CDHR2: variants seen among roughly 807,000 people sequenced by gnomAD.
CDHR2 encodes the protein cadherin-related family member 2.
In CDHR2, 104 loss-of-function variants were observed where a neutral mutation model predicts 138.6. The ratio of observed to expected loss-of-function variants is 0.75; its 90% CI spans 0.64 to 0.88. The LOEUF (loss-of-function observed/expected upper bound fraction) is 0.88, where lower values mean the gene tolerates loss of function less well. Ranked by LOEUF, CDHR2 falls within the 40% of genes least tolerant of loss-of-function variation. CDHR2 has a pLI of 0.00. For missense variants in CDHR2, 1,624 were observed against 1,727.6 expected, an observed-to-expected ratio of 0.94 and a Z score of 1.06; for synonymous variants, 755 against 742.8, an observed-to-expected ratio of 1.02 and a Z score of -0.27.
chr5:176,567,584 C>T (rs534027086), intron 3 of CDHR2, among the ~76,000 whole-genome samples: 14 of 152,192 alleles, frequency 9.2e-5, no homozygotes, highest in African/African-American at 3.4e-4. Context: ...CTTCACCTCC[C>T]GGGTTCAAGC....
At chr5:176,565,510 G>T in intron 2 of CDHR2, 106 bp downstream of exon 2, 1 of 1,320,098 alleles carries the variant, frequency 7.6e-7, no homozygotes, top group Non-Finnish European at 1.1e-6. Flanking sequence ...GCTCCTATGG[G>T]CCAGCCCTGT....
At chr5:176,578,853 A>G (rs1389389566) in intron 16 of CDHR2, among the ~76,000 whole-genome samples, 1 of 152,206 alleles carries the variant, frequency 6.6e-6, no homozygotes, top group South Asian at 2.1e-4. Flanking sequence ...CCTCAAAAAC[A>G]TACACTTCTT....
At chr5:176,566,819 A>G (rs955729261) in intron 3 of CDHR2, 3 of 410,588 alleles carry the variant, frequency 7.3e-6, no homozygotes, top group Non-Finnish European at 1.5e-5. Flanking sequence ...CCTAGCTGCA[A>G]GGGAACCTGG....
At chr5:176,561,641 C>CT (rs397772792) in intron 1 of CDHR2, among the ~76,000 whole-genome samples, 123,156 of 130,354 alleles carry the variant, frequency 0.94, 58,575 homozygotes, top group East Asian at 0.99. Context: ...GAGTTGGGTT[C>CT]TTTTTTTTTT....
intron 1 of CDHR2, among the ~76,000 whole-genome samples, chr5:176,550,158 C>G (rs959995101): frequency 3.9e-5 from 6 of 152,342 alleles, no homozygotes; most frequent in African/African-American, 1.4e-4. Context: ...GCACCGAGGT[C>G]CGGCAGATGG....
intron 1 of CDHR2, among the ~76,000 whole-genome samples, chr5:176,550,913 G>A (rs1757689660): frequency 6.6e-6 from 1 of 152,308 alleles, no homozygotes; most frequent in Non-Finnish European, 1.5e-5. Context: ...CACCTCCTGG[G>A]CCAGGTGGGA....
intron 21 of CDHR2, among the ~76,000 whole-genome samples, chr5:176,588,596 A>T (rs113335619): frequency 0.012 from 1,701 of 142,642 alleles, 34 homozygotes; most frequent in African/African-American, 0.043. Flanking sequence ...GGTGTGTATG[A>T]GTGTGTGTGC....
chr5:176,587,768 C>T (rs73345184), intron 21 of CDHR2, among the ~76,000 whole-genome samples: 156 of 152,238 alleles, frequency 1.0e-3, no homozygotes, highest in African/African-American at 3.6e-3. Flanking sequence ...CACTTAGAGC[C>T]GAGTGTAAGG....
At chr5:176,551,559 C>T (rs771486035) in intron 1 of CDHR2, among the ~76,000 whole-genome samples, 3 of 152,182 alleles carry the variant, frequency 2.0e-5, no homozygotes, top group Non-Finnish European at 4.4e-5. Context: ...GGCGCGATCT[C>T]GGCTCACTGC....
Position 176,595,552 on chromosome 5 carries a change from AC to A in CDHR2, c.3815del (p.Pro1272HisfsTer9). 6.2e-7 allele frequency: 1 copy of A among 1,608,786 alleles called. No individual in the cohort carries two copies. Among genetic ancestry groups the A allele is most frequent in the Non-Finnish European group, 8.5e-7 (1 of 1,177,326 alleles). On this transcript the variant is annotated frameshift_variant, in exon 32 of 32. Coordinates refer to ENST00000261944, the MANE Select transcript of CDHR2 (RefSeq NM_017675.6). LOFTEE classifies it low-confidence loss of function (END_TRUNC). ...TGCAGGAGCACAGGCCACCACACAC[AC>A]CACCAGAGCCAGATCCAGAGCCCCT... ...EIKEHRPPHT[P>X]PEPDPEPLSV...
At chr5:176,568,493 G>A (rs1306618069) in intron 3 of CDHR2, among the ~76,000 whole-genome samples, 185 bp from the exon 4 acceptor site, 2 of 152,248 alleles carry the variant, frequency 1.3e-5, no homozygotes, top group Non-Finnish European at 2.9e-5. Flanking sequence ...AGTGCCCATC[G>A]AGTCAGTGGG....
chr5:176,577,606 C>G, intron 13 of CDHR2, 31 bp from the exon 14 acceptor site: 1 of 1,613,934 alleles, frequency 6.2e-7, no homozygotes, highest in Non-Finnish European at 8.5e-7. Flanking sequence ...CACTTGGGCC[C>G]CACAGCTGCT....
chr5:176,551,728 G>A (rs1260572597), intron 1 of CDHR2, among the ~76,000 whole-genome samples: 2 of 126,010 alleles, frequency 1.6e-5, no homozygotes, highest in East Asian at 2.7e-4. Context: ...TTGAGACAGA[G>A]TCTCGCTCTG....
chr5:176,555,307 C>G (rs4077094), intron 1 of CDHR2, among the ~76,000 whole-genome samples: 63,249 of 152,056 alleles, frequency 0.42, 14,849 homozygotes, highest in East Asian at 0.66. Flanking sequence ...CCACGGGAGG[C>G]CTGCCTCCTT....
At chr5:176,582,421 G>A (rs1208704527) in intron 17 of CDHR2, among the ~76,000 whole-genome samples, 1 of 152,148 alleles carries the variant, frequency 6.6e-6, no homozygotes, top group African/African-American at 2.4e-5. Flanking sequence ...TCTCAACTCA[G>A]CCTCACAAAA....
chr5:176,569,428 C>T (rs1267295906), intron 5 of CDHR2, among the ~76,000 whole-genome samples: 2 of 151,800 alleles, frequency 1.3e-5, no homozygotes, highest in African/African-American at 2.4e-5. Context: ...GGACTACAGG[C>T]GCCAGCCACC....
intron 5 of CDHR2, among the ~76,000 whole-genome samples, chr5:176,569,421 C>A (rs936622820): frequency 6.6e-5 from 10 of 151,642 alleles, no homozygotes; most frequent in Non-Finnish European, 1.5e-4. Context: ...GTAGCTGGGA[C>A]TACAGGCGCC....
chr5:176,557,560 ATTTT>A (rs5873538), intron 1 of CDHR2, among the ~76,000 whole-genome samples: 1 of 87,426 alleles, frequency 1.1e-5, no homozygotes. Context: ...ACCTTCTTAG[ATTTT>A]TTTTTTTTTT....
chr5:176,585,553 G>T (rs1403043531), intron 19 of CDHR2, among the ~76,000 whole-genome samples: 1 of 152,222 alleles, frequency 6.6e-6, no homozygotes, highest in African/African-American at 2.4e-5. Context: ...AGCTTATATA[G>T]TTAGAATGTG....
Sources: allele counts gnomAD v4.1 joint callset (sites outside exome capture counted in the v4.1 genomes callset), GRCh38; gene constraint gnomAD v4.1.1; transcripts MANE v1.5; gene names NCBI Gene and HGNC (gene_info 2026-07-23, HGNC 2026-07-21).